The following DLG2 variants were observed in gnomAD, a reference collection of about 807,000 sequenced individuals.
The protein encoded by DLG2 is discs large MAGUK scaffold protein 2.
A neutral mutation model predicts 132.5 loss-of-function variants in DLG2; 45 were observed. That is an observed-to-expected ratio of 0.34 (90% CI 0.27 to 0.44). The LOEUF is 0.44. Ranked by LOEUF, DLG2 falls within the 20% of genes least tolerant of loss-of-function variation. DLG2 has a pLI of 1.00. For synonymous variants in DLG2, 424 were observed against 419.6 expected, an observed-to-expected ratio of 1.01 and a Z score of -0.13; for missense variants, 1,045 against 1,196.9, an observed-to-expected ratio of 0.87 and a Z score of 1.87.
chr11:84,468,904 G>A (rs982030103), intron 7 of DLG2, among the ~76,000 whole-genome samples: 2 of 151,484 alleles, frequency 1.3e-5, no homozygotes, highest in African/African-American at 4.8e-5. Flanking sequence ...ATTGACTAAT[G>A]TAAGGAATTA....
intron 15 of DLG2, among the ~76,000 whole-genome samples, chr11:83,904,883 G>A (rs966053122): frequency 5.3e-5 from 8 of 152,052 alleles, no homozygotes; most frequent in Admixed American, 5.3e-4. Flanking sequence ...TCTGGCTACA[G>A]CTATTATTAT....
Position 84,688,492 on chromosome 11 carries a change from T to A in DLG2, c.358-153761A>T, listed in dbSNP as rs527555718. Among the ~76,000 whole-genome samples the A allele has an allele frequency of 2.0e-5, 3 of 152,308 alleles. No homozygotes were observed. In the East Asian group the frequency reaches 5.8e-4, roughly 29 times the overall value. On this transcript the variant is annotated intron_variant, in intron 6 of 27. Transcript: ENST00000376104. ...AAATTTCATTCCTTTCATTCACTGA[T>A]TTACATAGGTATTGAGCCCTTGCTC...
At chr11:85,167,736 G>A (rs534730932) in intron 4 of DLG2, among the ~76,000 whole-genome samples, 259 of 152,106 alleles carry the variant, frequency 1.7e-3, no homozygotes, top group Non-Finnish European at 2.8e-3. Context: ...TCACTTCTCT[G>A]TCATGTAAAA....
intron 3 of DLG2, among the ~76,000 whole-genome samples, chr11:85,464,005 T>G (rs5015905): frequency 4.4e-5 from 1 of 22,582 alleles, no homozygotes; most frequent in African/African-American, 8.2e-5. Context: ...CACACACACA[T>G]ACACACACAC....
intron 6 of DLG2, among the ~76,000 whole-genome samples, chr11:84,706,789 C>G (rs1264099833): frequency 6.6e-6 from 1 of 151,708 alleles, no homozygotes; most frequent in Non-Finnish European, 1.5e-5. Flanking sequence ...TACTTTGCTA[C>G]AAATTTCATT....
intron 18 of DLG2, among the ~76,000 whole-genome samples, chr11:83,730,879 A>T (rs1397993096): frequency 6.6e-6 from 1 of 152,150 alleles, no homozygotes; most frequent in East Asian, 1.9e-4. Flanking sequence ...CTAAGAACCT[A>T]TAGGGGTCAT....
At chr11:85,009,336 A>G (rs572453771) in intron 6 of DLG2, among the ~76,000 whole-genome samples, 1 of 152,266 alleles carries the variant, frequency 6.6e-6, no homozygotes, top group South Asian at 2.1e-4. Context: ...ATCAAGAGCT[A>G]TAAGAAATAA....
At chr11:84,502,408 TTCTTTCTA>T in intron 7 of DLG2, among the ~76,000 whole-genome samples, 1 of 110,784 alleles carries the variant, frequency 9.0e-6, no homozygotes, top group East Asian at 2.3e-4. Context: ...CTTTCTTTCT[TTCTTTCTA>T]TACAGAGTCT....
At chr11:85,197,489 G>A (rs919132204) in intron 4 of DLG2, among the ~76,000 whole-genome samples, 2 of 152,038 alleles carry the variant, frequency 1.3e-5, no homozygotes, top group African/African-American at 4.8e-5. Context: ...ACATTCAAAG[G>A]AAACCCATGA....
chr11:83,953,688 C>G (rs1010662662), intron 14 of DLG2, among the ~76,000 whole-genome samples: 1 of 152,186 alleles, frequency 6.6e-6, no homozygotes, highest in African/African-American at 2.4e-5. Context: ...CCTATATTAT[C>G]ACCTTATGGA....
At chr11:84,356,600 A>T (rs1385377194) in intron 7 of DLG2, among the ~76,000 whole-genome samples, 1 of 152,130 alleles carries the variant, frequency 6.6e-6, no homozygotes, top group Non-Finnish European at 1.5e-5. Context: ...CTGATTTATA[A>T]TCATGATTAA....
chr11:84,666,396 G>C (rs1352313124), intron 6 of DLG2, among the ~76,000 whole-genome samples: 1 of 152,100 alleles, frequency 6.6e-6, no homozygotes, highest in African/African-American at 2.4e-5. Flanking sequence ...TGATTCTGTA[G>C]ATTTTAGACT....
At chr11:84,248,603 C>A (rs1197354733) in intron 8 of DLG2, among the ~76,000 whole-genome samples, 1 of 152,100 alleles carries the variant, frequency 6.6e-6, no homozygotes, top group Non-Finnish European at 1.5e-5. Context: ...CACTCGTAAT[C>A]CCAGCACTTT....
Position 84,630,016 on chromosome 11 carries a change from C to A in DLG2, c.358-95285G>T, listed in dbSNP as rs1459884104. Among the ~76,000 whole-genome samples the A allele has an allele frequency of 7.2e-5, 11 of 152,290 alleles. No homozygotes were observed. The East Asian group carries it at 2.1e-3, about 29-fold the overall frequency. Reference sequence around the variant, plus strand: ...TCCAGGCAGTTGTTGACTCTTAGAGCCACTGAGGTACAATAGAGACACATT... The same window carrying A: ...TCCAGGCAGTTGTTGACTCTTAGAGACACTGAGGTACAATAGAGACACATT... On this transcript the variant is annotated intron_variant, in intron 6 of 27. Transcript: ENST00000376104.
At chr11:85,290,940 T>G (rs1205963839) in intron 3 of DLG2, among the ~76,000 whole-genome samples, 1 of 152,106 alleles carries the variant, frequency 6.6e-6, no homozygotes, top group Non-Finnish European at 1.5e-5. Flanking sequence ...AAACTCAACA[T>G]ATACTCAAAA....
intron 6 of DLG2, among the ~76,000 whole-genome samples, chr11:84,875,509 A>G (rs2086201951): frequency 1.3e-5 from 2 of 151,980 alleles, no homozygotes; most frequent in South Asian, 4.1e-4. Flanking sequence ...GGAAAAAAAA[A>G]AAAACTCCAC....
intron 7 of DLG2, among the ~76,000 whole-genome samples, chr11:84,423,824 G>T (rs2098958260): frequency 6.6e-6 from 1 of 151,972 alleles, no homozygotes; most frequent in Admixed American, 6.6e-5. Flanking sequence ...ACATACATAG[G>T]CAATACACAT....
chr11:85,313,904 A>G (rs1018941225), intron 3 of DLG2, among the ~76,000 whole-genome samples: 5 of 152,098 alleles, frequency 3.3e-5, no homozygotes, highest in Admixed American at 6.6e-5. Flanking sequence ...TTAAAAATCA[A>G]TCTGATCTGT....
At chr11:84,825,867 T>A (rs988358297) in intron 6 of DLG2, among the ~76,000 whole-genome samples, 13 of 151,936 alleles carry the variant, frequency 8.6e-5, no homozygotes, top group African/African-American at 3.1e-4. Context: ...ACCCTGTAAA[T>A]GCTGTTTTGT....
Sources: allele counts gnomAD v4.1 joint callset (sites outside exome capture counted in the v4.1 genomes callset), GRCh38; gene constraint gnomAD v4.1.1; transcripts MANE v1.5; gene names NCBI Gene and HGNC (gene_info 2026-07-23, HGNC 2026-07-21).